Variants in GVQW3 observed in about 807,000 individuals in gnomAD.
The protein encoded by GVQW3 is GVQW motif containing 3, also known as protein GVQW3.
A neutral mutation model predicts 12.5 loss-of-function variants in GVQW3; 7 were observed. The observed-to-expected ratio is 0.56, with a 90% CI of 0.32 to 1.05. The LOEUF is 1.05. GVQW3 is among the 50% of genes least tolerant of loss of function. The pLI is 0.04. For missense variants in GVQW3, 188 were observed against 190.8 expected, an observed-to-expected ratio of 0.99 and a Z score of 0.09; for synonymous variants, 71 against 67.2, an observed-to-expected ratio of 1.06 and a Z score of -0.28.
At chr11:76,386,189 G>A (rs1946831812) in intron 1 of GVQW3, among the ~76,000 whole-genome samples, 1 of 152,140 alleles carries the variant, frequency 6.6e-6, no homozygotes, top group Non-Finnish European at 1.5e-5. Context: ...TGCCTTCTGG[G>A]GCAGATCATC....
chr11:76,384,338 T>A (rs1946809998), intron 1 of GVQW3, among the ~76,000 whole-genome samples: 1 of 152,214 alleles, frequency 6.6e-6, no homozygotes, highest in South Asian at 2.1e-4. Context: ...TGTTTTGTTT[T>A]TTGAGATGGA....
chr11:76,403,702 T>C lies in GVQW3; in HGVS notation c.508T>C (p.Leu170=). The part of the protein sequence containing the change: ...TMLPRLVSNS[L]SQGILPPWPP... ...GTTGCCCAGGCTGGTCTCGAACTCC[T>C]TGTCTCAAGGGATCCTCCCACCTTG... Residue 170 remains leucine (L), a synonymous_variant, in exon 2 of 2, where the codon TTG becomes CTG. Coordinates refer to ENST00000529331, the MANE Select transcript of GVQW3 (RefSeq NM_001347885.2). 2.1e-6 allele frequency: 1 copy of C among 483,610 alleles called. No individual in the cohort carries two copies. Among genetic ancestry groups the C allele is most frequent in the East Asian group, 3.3e-5 (1 of 30,560 alleles). The allele number at this position is 483,610 out of a possible 1,614,324, so 30.0% of individuals were successfully genotyped here.
chr11:76,381,535 G>A lies in GVQW3; in HGVS notation c.-294G>A. The A allele has an allele frequency of 3.1e-6, 1 of 324,720 alleles. No homozygotes were observed. Among genetic ancestry groups the A allele is most frequent in the Non-Finnish European group, 5.7e-6 (1 of 176,496 alleles). The allele number at this position is 324,720 out of a possible 1,614,324, so 20.1% of individuals were successfully genotyped here. On this transcript the variant is annotated 5_prime_UTR_variant, in exon 1 of 2. Coordinates refer to ENST00000529331, the MANE Select transcript of GVQW3 (RefSeq NM_001347885.2). The stretch of plus-strand genomic sequence containing the variant: ...GCCGCGGAATCGGAGCGACCTTGGT[G>A]ACTGGCAAACTCTCGGCAGATGTGC...
chr11:76,404,422 C>G lies in GVQW3; in HGVS notation c.*664C>G, dbSNP rs1947019927. The G allele has an allele frequency of 6.4e-6, 1 of 157,184 alleles. No individual in the cohort carries two copies. The highest frequency in any genetic ancestry group is 2.4e-5 in the African/African-American group (1 of 41,718). 9.7% of individuals were successfully genotyped at this position (157,184 alleles called of 1,614,324 possible). On this transcript the variant is annotated 3_prime_UTR_variant, in exon 2 of 2. Coordinates refer to ENST00000529331, the MANE Select transcript of GVQW3 (RefSeq NM_001347885.2). ...GTAGCTCAGTATCTCTGCCTTCTCT[C>G]CATTGTTAGCCTTGATGGACAATTT... is the stretch of plus-strand genomic sequence containing the variant.
downstream of GVQW3, chr11:76,408,632 C>G (rs1947062893): frequency 1.3e-5 from 2 of 152,206 alleles, no homozygotes; most frequent in South Asian, 2.1e-4. Flanking sequence ...GGTGGGTAAA[C>G]AGTTCCCCCT....
chr11:76,412,032 C>G (rs979270945), downstream of GVQW3: 1 of 152,198 alleles, frequency 6.6e-6, no homozygotes, highest in South Asian at 2.1e-4. Context: ...ATTGGTCATC[C>G]GCCTAAAATC....
intron 1 of GVQW3, among the ~76,000 whole-genome samples, chr11:76,386,958 G>T (rs761384443): frequency 1.3e-5 from 2 of 152,106 alleles, no homozygotes; most frequent in Non-Finnish European, 2.9e-5. Flanking sequence ...CTTCTATAAA[G>T]GAGTCTTTAT....
chr11:76,387,695 C>A (rs1175636306), intron 1 of GVQW3, among the ~76,000 whole-genome samples: 2 of 152,058 alleles, frequency 1.3e-5, no homozygotes, highest in Admixed American at 1.3e-4. Context: ...CTGAGGCGGG[C>A]AGATTGCTTG....
chr11:76,391,933 G>A (rs981283332), intron 1 of GVQW3, among the ~76,000 whole-genome samples: 1 of 152,118 alleles, frequency 6.6e-6, no homozygotes, highest in African/African-American at 2.4e-5. Flanking sequence ...CAGCCCGGGC[G>A]ACAGAGTGAG....
At position 76,400,848 on chromosome 11, in the gene GVQW3, C is replaced by T. The variant is rs79842460; in HGVS notation, c.466-2812C>T. 2.4e-3 allele frequency among the ~76,000 whole-genome samples: 364 copies of T among 152,174 alleles called. 2 individuals are homozygous for T. The highest frequency in any genetic ancestry group is 8.4e-3 in the African/African-American group (350 of 41,522). ...CTCTTTACTCCATTTGGGGCATGTC[C>T]TCAAAATGTTTCTTCAGATTCCCTC... is the stretch of plus-strand genomic sequence containing the variant. On this transcript the variant is annotated intron_variant, in intron 1 of 1. Transcript: ENST00000529331.
Position 76,401,512 on chromosome 11 carries a change from G to A in GVQW3, c.466-2148G>A, listed in dbSNP as rs184355052. ...TATCTTGCCGGGCGTGGTGGCTCACGCCTGTAGTCCCAGCACTTTGGGAGT... is the reference window on the plus strand; with the variant it reads ...TATCTTGCCGGGCGTGGTGGCTCACACCTGTAGTCCCAGCACTTTGGGAGT... On this transcript the variant is annotated intron_variant, in intron 1 of 1. Coordinates refer to ENST00000529331, the MANE Select transcript of GVQW3 (RefSeq NM_001347885.2). Among the ~76,000 whole-genome samples, 83 of 152,126 alleles carry A rather than the reference G, an allele frequency of 5.5e-4. No homozygotes were observed. In the East Asian group the frequency reaches 0.013, roughly 24 times the overall value.
At chr11:76,400,713 C>A (rs1411050869) in intron 1 of GVQW3, among the ~76,000 whole-genome samples, 2 of 152,170 alleles carry the variant, frequency 1.3e-5, no homozygotes, top group Non-Finnish European at 2.9e-5. Flanking sequence ...AGCCACTGCA[C>A]CCGGCCCCTC....
At position 76,389,022 on chromosome 11, in the gene GVQW3, A is replaced by G. The variant is rs1309110030; in HGVS notation, c.465+6729A>G. 4.6e-5 allele frequency among the ~76,000 whole-genome samples: 7 copies of G among 152,330 alleles called. No individual in the cohort carries two copies. In the East Asian group the frequency reaches 9.6e-4, roughly 21 times the overall value. Reference sequence around the variant, plus strand: ...ACTTCTGGGAATTTGTCCTAAAGAAATAGTCTAAAATGTGGGCAAAATCAA... The same window carrying G: ...ACTTCTGGGAATTTGTCCTAAAGAAGTAGTCTAAAATGTGGGCAAAATCAA... On this transcript the variant is annotated intron_variant, in intron 1 of 1. Coordinates refer to ENST00000529331, the MANE Select transcript of GVQW3 (RefSeq NM_001347885.2).
chr11:76,401,834 C>G (rs1258833254), intron 1 of GVQW3, among the ~76,000 whole-genome samples: 1 of 151,892 alleles, frequency 6.6e-6, no homozygotes, highest in Non-Finnish European at 1.5e-5. Context: ...CAATGGGTGC[C>G]TGCATCTAAA....
intron 1 of GVQW3, among the ~76,000 whole-genome samples, chr11:76,393,425 C>T (rs927562552): frequency 2.0e-5 from 3 of 152,190 alleles, no homozygotes; most frequent in Non-Finnish European, 2.9e-5. Context: ...CAGGGGTGGT[C>T]ACCCACCTCT....
At chr11:76,395,187 A>C (rs1946928606) in intron 1 of GVQW3, 1 of 152,244 alleles carries the variant, frequency 6.6e-6, no homozygotes, top group South Asian at 2.1e-4. Flanking sequence ...TGTACATCTC[A>C]GTTGCATTTA....
chr11:76,412,688 G>A (rs1260200493), downstream of GVQW3: 1 of 152,272 alleles, frequency 6.6e-6, no homozygotes, highest in Non-Finnish European at 1.5e-5. Context: ...GCCAGCAGAA[G>A]CAAAAACAAA....
chr11:76,381,937 G>A lies in GVQW3; in HGVS notation c.109G>A (p.Val37Ile). Residue 37 changes from valine to isoleucine, a missense_variant, in exon 1 of 2, where the codon GTC (valine) becomes ATC (isoleucine). Physicochemically the swap from Val to Ile is conservative, Grantham distance 29 (BLOSUM62 3). Transcript: ENST00000529331. The part of the protein sequence containing the change: ...HLLKEAYGDE[V>I]MSRARVFDWH... ...TTTAAAAGAAGCTTATGGGGATGAAGTCATGTCAAGGGCCAGAGTTTTTGA... is the reference window on the plus strand; with the variant it reads ...TTTAAAAGAAGCTTATGGGGATGAAATCATGTCAAGGGCCAGAGTTTTTGA... 6.5e-7 allele frequency: 1 copy of A among 1,536,430 alleles called. No individual in the cohort carries two copies. The highest frequency in any genetic ancestry group is 1.2e-5 in the South Asian group (1 of 84,066).
downstream of GVQW3, among the ~76,000 whole-genome samples, chr11:76,409,270 C>G (rs1173992170): frequency 6.6e-6 from 1 of 152,032 alleles, no homozygotes. Flanking sequence ...CAGGCTCTCA[C>G]GGACCTGTCA....
Sources: gnomAD v4.1 joint callset for allele counts (sites outside exome capture counted in the v4.1 genomes callset) on GRCh38, gnomAD v4.1.1 for gene constraint, MANE v1.5 for transcripts, NCBI Gene and HGNC (gene_info 2026-07-23, HGNC 2026-07-21) for gene names.